GNAQ: variants seen among roughly 807,000 people sequenced by gnomAD.
The protein encoded by GNAQ is guanine nucleotide-binding protein G(q) subunit alpha.
In GNAQ, 8 loss-of-function variants were observed where a neutral mutation model predicts 43.9. That is an observed-to-expected ratio of 0.18 (90% CI 0.11 to 0.33). GNAQ has a LOEUF of 0.33. GNAQ is among the 10% of genes least tolerant of loss of function. The pLI, the probability that GNAQ is intolerant of heterozygous loss-of-function variation, is 1.00. For missense variants in GNAQ, 158 were observed against 450.8 expected, an observed-to-expected ratio of 0.35 and a Z score of 5.88; for synonymous variants, 155 against 170.7, an observed-to-expected ratio of 0.91 and a Z score of 0.71.
At chr9:77,924,993 C>G (rs1220413483) in intron 1 of GNAQ, among the ~76,000 whole-genome samples, 1 of 151,958 alleles carries the variant, frequency 6.6e-6, no homozygotes, top group Non-Finnish European at 1.5e-5. Flanking sequence ...CTAGCTTCCT[C>G]GCTGCAGTGG....
intron 1 of GNAQ, among the ~76,000 whole-genome samples, chr9:77,960,678 A>T (rs1456280785): frequency 6.6e-6 from 1 of 152,214 alleles, no homozygotes; most frequent in Non-Finnish European, 1.5e-5. Flanking sequence ...TAATACAGAA[A>T]ATAAGAAAAT....
intron 1 of GNAQ, among the ~76,000 whole-genome samples, chr9:77,951,533 A>T (rs1404151498): frequency 6.6e-6 from 1 of 152,212 alleles, no homozygotes; most frequent in African/African-American, 2.4e-5. Context: ...TACAAGACAA[A>T]TTAGTCAACT....
chr9:77,736,558 A>G (rs191767795), intron 5 of GNAQ, among the ~76,000 whole-genome samples: 1 of 152,330 alleles, frequency 6.6e-6, no homozygotes. Flanking sequence ...GGATGTTTAG[A>G]GAAGAAAAGA....
At chr9:77,779,712 A>C (rs1355777342) in intron 5 of GNAQ, among the ~76,000 whole-genome samples, 1 of 151,296 alleles carries the variant, frequency 6.6e-6, no homozygotes, top group Non-Finnish European at 1.5e-5. Context: ...GAGAAGGCAC[A>C]AATTACTAGT....
intron 2 of GNAQ, among the ~76,000 whole-genome samples, chr9:77,913,841 T>C (rs7033572): frequency 0.66 from 100,217 of 151,892 alleles, 34,267 homozygotes; most frequent in South Asian, 0.78. Flanking sequence ...GTATTGACAA[T>C]GGAAAAACAC....
chr9:77,815,975 A>G (rs1408416659), intron 2 of GNAQ, among the ~76,000 whole-genome samples: 2 of 152,148 alleles, frequency 1.3e-5, no homozygotes, highest in Non-Finnish European at 2.9e-5. Flanking sequence ...GTAAACCTTG[A>G]TGCTACTTAG....
chr9:77,750,555 A>G (rs1825796916), intron 5 of GNAQ, among the ~76,000 whole-genome samples: 1 of 152,198 alleles, frequency 6.6e-6, no homozygotes, highest in Non-Finnish European at 1.5e-5. Context: ...CATAACCTCC[A>G]TTCCAGCCAA....
At chr9:77,738,788 C>A (rs1161737548) in intron 5 of GNAQ, among the ~76,000 whole-genome samples, 1 of 152,120 alleles carries the variant, frequency 6.6e-6, no homozygotes. Flanking sequence ...GGGTCTGCAG[C>A]TACTATATTA....
intron 2 of GNAQ, among the ~76,000 whole-genome samples, chr9:77,904,292 T>C (rs1828665571): frequency 6.7e-6 from 1 of 148,500 alleles, no homozygotes. Context: ...ATATGGGCAG[T>C]GGAGTTAACA....
chr9:77,869,812 C>T (rs969091373), intron 2 of GNAQ, among the ~76,000 whole-genome samples: 2 of 152,206 alleles, frequency 1.3e-5, no homozygotes, highest in Non-Finnish European at 2.9e-5. Flanking sequence ...ACTCCCCAGT[C>T]CTCAAAAGCC....
At chr9:77,858,623 CCTT>C (rs1827796485) in intron 2 of GNAQ, among the ~76,000 whole-genome samples, 2 of 152,020 alleles carry the variant, frequency 1.3e-5, no homozygotes, top group African/African-American at 4.8e-5. Context: ...TCAGTCACCC[CCTT>C]CTTCTTGGAA....
intron 1 of GNAQ, among the ~76,000 whole-genome samples, chr9:77,923,063 A>G (rs998074329): frequency 6.6e-6 from 1 of 151,704 alleles, no homozygotes; most frequent in African/African-American, 2.4e-5. Context: ...CACTAGATTG[A>G]CTGGGCTGGC....
chr9:77,778,901 C>G (rs188066197), intron 5 of GNAQ, among the ~76,000 whole-genome samples: 5 of 151,984 alleles, frequency 3.3e-5, no homozygotes, highest in Admixed American at 2.0e-4. Flanking sequence ...GTGTATATCC[C>G]TAACAAAAGA....
chr9:77,930,980 G>T (rs1293200489), intron 1 of GNAQ, among the ~76,000 whole-genome samples: 1 of 151,878 alleles, frequency 6.6e-6, no homozygotes, highest in East Asian at 2.0e-4. Context: ...GCATGCGAAG[G>T]ATCTAGGTTA....
chr9:77,765,294 T>C (rs1403194033), intron 5 of GNAQ, among the ~76,000 whole-genome samples: 1 of 151,518 alleles, frequency 6.6e-6, no homozygotes, highest in Non-Finnish European at 1.5e-5. Context: ...CTTGGTAAAC[T>C]AAAGAAAATA....
At chr9:77,856,281 T>C (rs1827753041) in intron 2 of GNAQ, among the ~76,000 whole-genome samples, 1 of 152,186 alleles carries the variant, frequency 6.6e-6, no homozygotes, top group Non-Finnish European at 1.5e-5. Flanking sequence ...CTGGTTCCTA[T>C]GAAAGCCAAG....
rs535904330 is a variant in GNAQ at position 77,974,998 on chromosome 9, G to C, written c.137-52653C>G. On this transcript the variant is annotated intron_variant, in intron 1 of 6. Transcript: ENST00000286548. ...AGTCTTAGTTTGGTATCAGCCCACT[G>C]TGACAACCCCTCAATGGATCGACTC... Among the ~76,000 whole-genome samples, 7 of 152,322 alleles carry C rather than the reference G, an allele frequency of 4.6e-5. No homozygotes were observed. The South Asian group carries it at 1.2e-3, about 27-fold the overall frequency.
intron 5 of GNAQ, among the ~76,000 whole-genome samples, chr9:77,790,016 G>A (rs866020131): frequency 2.6e-4 from 39 of 152,094 alleles, no homozygotes; most frequent in African/African-American, 9.4e-4. Flanking sequence ...AGGGACAAGT[G>A]ACTGAAAATG....
intron 1 of GNAQ, among the ~76,000 whole-genome samples, chr9:77,929,280 A>G (rs1829113330): frequency 6.6e-6 from 1 of 152,118 alleles, no homozygotes; most frequent in Non-Finnish European, 1.5e-5. Flanking sequence ...GATTTCATTA[A>G]GGAGGGAACC....
Sources: allele counts gnomAD v4.1 joint callset (sites outside exome capture counted in the v4.1 genomes callset), GRCh38; gene constraint gnomAD v4.1.1; transcripts MANE v1.5; gene names NCBI Gene and HGNC (gene_info 2026-07-23, HGNC 2026-07-21).